ANKRD12: variants seen among roughly 807,000 people sequenced by gnomAD.
The protein encoded by ANKRD12 is ankyrin repeat domain-containing protein 12.
ANKRD12 carries 85 observed loss-of-function variants against 183.4 expected under a neutral mutation model. That is an observed-to-expected ratio of 0.46 (90% CI 0.39 to 0.56). The LOEUF (loss-of-function observed/expected upper bound fraction) is 0.56. Among genes scored for constraint, ANKRD12 ranks in the 20% least tolerant of loss-of-function variants. The pLI is 0.00. For synonymous variants in ANKRD12, 914 were observed against 800.2 expected (o/e 1.14, Z -2.40); for missense variants, 2,405 against 2,357.1 (o/e 1.02, Z -0.42).
intron 9 of ANKRD12, 114 bp downstream of exon 9, chr18:9,259,045 T>G (rs2038806097): frequency 3.3e-6 from 4 of 1,226,852 alleles, no homozygotes; most frequent in Non-Finnish European, 4.5e-6. Context: ...AGCAAAATAA[T>G]CTGTCAGTGA....
At chr18:9,181,685 G>A (rs1196654473) in intron 1 of ANKRD12, among the ~76,000 whole-genome samples, 3 of 152,150 alleles carry the variant, frequency 2.0e-5, no homozygotes, top group African/African-American at 7.2e-5. Flanking sequence ...TAGCCTCATA[G>A]GTTCCTCTTT....
intron 8 of ANKRD12, among the ~76,000 whole-genome samples, chr18:9,233,618 C>G (rs895834527): frequency 6.6e-6 from 1 of 152,082 alleles, no homozygotes; most frequent in African/African-American, 2.4e-5. Flanking sequence ...TTGGATAGGG[C>G]CTTTTGGCTT....
intron 1 of ANKRD12, among the ~76,000 whole-genome samples, chr18:9,179,343 G>A (rs1021952545): frequency 1.3e-5 from 2 of 152,020 alleles, no homozygotes; most frequent in East Asian, 1.9e-4. Flanking sequence ...CAACATCCAC[G>A]CCTCATTGTT....
chr18:9,263,904 AT>A lies in ANKRD12; in HGVS notation c.5763+19del. On this transcript the variant is annotated intron_variant, in intron 10 of 12. Transcript: ENST00000262126. ...TATTGAAAGGGTAAGAAATGTTTAAATTTACACTTATGCTAAAAATAACTGG... is the reference window on the plus strand; with the variant it reads ...TATTGAAAGGGTAAGAAATGTTTAAATTACACTTATGCTAAAAATAACTGG... The A allele has an allele frequency of 7.1e-7, 1 of 1,398,882 alleles. No individual in the cohort carries two copies. The highest frequency in any genetic ancestry group is 9.8e-7 in the Non-Finnish European group (1 of 1,021,330). The allele number at this position is 1,398,882 out of a possible 1,614,324, so 86.7% of individuals were successfully genotyped here. A position where few individuals can be genotyped will look rare whatever the true frequency, so the allele number is the denominator to read the frequency against.
At chr18:9,223,157 A>G (rs996019842) in intron 8 of ANKRD12, among the ~76,000 whole-genome samples, 5 of 152,154 alleles carry the variant, frequency 3.3e-5, no homozygotes, top group African/African-American at 7.2e-5. Flanking sequence ...GGTGGCTCAC[A>G]CCTGTAATCC....
chr18:9,175,267 T>C (rs1269537798), intron 1 of ANKRD12, among the ~76,000 whole-genome samples: 2 of 152,172 alleles, frequency 1.3e-5, no homozygotes, highest in Non-Finnish European at 2.9e-5. Context: ...ACATGTGCAG[T>C]CTCCATGTTT....
intron 8 of ANKRD12, among the ~76,000 whole-genome samples, chr18:9,249,214 G>A (rs1039229051): frequency 1.3e-5 from 2 of 152,132 alleles, no homozygotes; most frequent in African/African-American, 2.4e-5. Flanking sequence ...CTTCCTTACA[G>A]AAGACTTCCA....
chr18:9,139,514 A>G (rs910121209), intron 1 of ANKRD12, among the ~76,000 whole-genome samples: 4 of 152,212 alleles, frequency 2.6e-5, no homozygotes, highest in Middle Eastern at 3.2e-3. Context: ...TCTTTAAACC[A>G]TTCTTACGTT....
chr18:9,197,547 A>G (rs2034909986), intron 3 of ANKRD12, among the ~76,000 whole-genome samples: 1 of 146,548 alleles, frequency 6.8e-6, no homozygotes, highest in South Asian at 2.1e-4. Context: ...AGCCTTACCA[A>G]TAACATAAAC....
At chr18:9,211,938 C>CTTTAT (rs2035825720) in intron 6 of ANKRD12, among the ~76,000 whole-genome samples, 154 bp downstream of exon 6, 1 of 152,008 alleles carries the variant, frequency 6.6e-6, no homozygotes, top group South Asian at 2.1e-4. Context: ...GTACATAAAA[C>CTTTAT]CCCTGATTTC....
At chr18:9,224,441 T>C (rs12454497) in intron 8 of ANKRD12, among the ~76,000 whole-genome samples, 16,783 of 151,966 alleles carry the variant, frequency 0.11, 1,089 homozygotes, top group African/African-American at 0.16. Flanking sequence ...TCTTGATACT[T>C]TGAGAAGGGA....
At chr18:9,175,063 T>C (rs985169881) in intron 1 of ANKRD12, among the ~76,000 whole-genome samples, 3 of 152,118 alleles carry the variant, frequency 2.0e-5, no homozygotes, top group African/African-American at 7.2e-5. Context: ...CAAGCAACTC[T>C]CCTGCCTAAG....
At chr18:9,158,416 CTGAGACTTCCCTTGTTTT>C (rs1257691479) in intron 1 of ANKRD12, among the ~76,000 whole-genome samples, 2 of 152,270 alleles carry the variant, frequency 1.3e-5, no homozygotes, top group East Asian at 3.9e-4. Context: ...ATGACAGTTT[CTGAGACTTCCCTTGTTTT>C]TGATGAACTT....
chr18:9,176,491 A>G (rs946123649), intron 1 of ANKRD12, among the ~76,000 whole-genome samples: 3 of 151,942 alleles, frequency 2.0e-5, no homozygotes, highest in South Asian at 2.1e-4. Context: ...GGGTTTCACC[A>G]TGTTGCCCAG....
chr18:9,236,225 C>G (rs2037336395), intron 8 of ANKRD12, among the ~76,000 whole-genome samples: 1 of 152,044 alleles, frequency 6.6e-6, no homozygotes, highest in Non-Finnish European at 1.5e-5. Flanking sequence ...GGAGCTAAAA[C>G]TATAGAAAAA....
intron 2 of ANKRD12, among the ~76,000 whole-genome samples, chr18:9,185,202 A>G (rs1411302951): frequency 1.3e-5 from 2 of 152,244 alleles, no homozygotes; most frequent in Non-Finnish European, 2.9e-5. Flanking sequence ...GCAGTTCATT[A>G]TAGCCTTGTG....
rs575711704 is a variant in ANKRD12, at chr18:9,279,704, AC to A, written c.6003+61del. On this transcript the variant is annotated intron_variant, in intron 12 of 12. Coordinates refer to ENST00000262126, the MANE Select transcript of ANKRD12 (RefSeq NM_015208.5). ...TTCCCCCTTCTTAAAAAAAAAAAAAACTCTACAGCTGTATTAGGGAGAAATA... is the reference window on the plus strand; with the variant it reads ...TTCCCCCTTCTTAAAAAAAAAAAAAATCTACAGCTGTATTAGGGAGAAATA... The A allele has an allele frequency of 6.4e-4, 613 of 956,054 alleles. 9 individuals carry two copies. The African/African-American group carries it at 9.3e-3, about 15-fold the overall frequency. The allele number at this position is 956,054 out of a possible 1,614,324, so 59.2% of individuals were successfully genotyped here.
intron 8 of ANKRD12, among the ~76,000 whole-genome samples, chr18:9,251,209 G>A (rs1197114844): frequency 2.0e-5 from 3 of 152,128 alleles, no homozygotes; most frequent in Non-Finnish European, 4.4e-5. Flanking sequence ...TTTTTTAAGA[G>A]ATTTTGAGGG....
At chr18:9,148,325 C>T (rs554307099) in intron 1 of ANKRD12, among the ~76,000 whole-genome samples, 7 of 150,774 alleles carry the variant, frequency 4.6e-5, no homozygotes, top group African/African-American at 1.5e-4. Flanking sequence ...TATATATATA[C>T]ACACACACGT....
Sources: allele counts gnomAD v4.1 joint callset (sites outside exome capture counted in the v4.1 genomes callset), GRCh38; gene constraint gnomAD v4.1.1; transcripts MANE v1.5; gene names NCBI Gene and HGNC (gene_info 2026-07-23, HGNC 2026-07-21).